The following CFAP74 variants were observed in gnomAD, a reference collection of about 807,000 sequenced individuals.
The protein encoded by CFAP74 is cilia- and flagella-associated protein 74.
CFAP74 carries 124 observed loss-of-function variants against 188.9 expected under a neutral mutation model. The ratio of observed to expected loss-of-function variants is 0.66; its 90% CI spans 0.57 to 0.76. The LOEUF (loss-of-function observed/expected upper bound fraction) is 0.76, where lower values mean the gene tolerates loss of function less well. Among genes scored for constraint, CFAP74 ranks in the 30% least tolerant of loss-of-function variants. The pLI, the probability that CFAP74 is intolerant of heterozygous loss-of-function variation, is 0.00. For synonymous variants in CFAP74, 956 were observed against 916.7 expected (o/e 1.04, Z -0.77); for missense variants, 2,198 against 2,165.2 (o/e 1.02, Z -0.30).
At chr1:1,946,762 A>G (rs1409622261) in intron 19 of CFAP74, among the ~76,000 whole-genome samples, 1 of 152,224 alleles carries the variant, frequency 6.6e-6, no homozygotes, top group African/African-American at 2.4e-5. Flanking sequence ...CCGGGAAACA[A>G]TCTGTGGCTT....
intron 6 of CFAP74, among the ~76,000 whole-genome samples, chr1:1,977,998 G>A (rs934321657): frequency 5.9e-5 from 9 of 152,136 alleles, no homozygotes; most frequent in Admixed American, 2.0e-4. Context: ...ACAGGTGCAC[G>A]CCACCACACC....
intron 27 of CFAP74, 46 bp from the exon 28 acceptor site, chr1:1,927,792 A>T: frequency 6.5e-7 from 1 of 1,529,320 alleles, no homozygotes; most frequent in African/African-American, 1.4e-5. Flanking sequence ...GGCCCTAAAC[A>T]CAGCCAGCTG....
chr1:1,990,394 G>T (rs555613295), intron 2 of CFAP74, among the ~76,000 whole-genome samples: 1 of 138,802 alleles, frequency 7.2e-6, no homozygotes, highest in African/African-American at 2.6e-5. Context: ...GTGGCGGGGG[G>T]CAGGGGGGAG....
intron 6 of CFAP74, among the ~76,000 whole-genome samples, chr1:1,981,504 A>G (rs374906055): frequency 0.034 from 2,120 of 61,494 alleles, 28 homozygotes; most frequent in Middle Eastern, 0.061. Context: ...AGGACACCCA[A>G]CCACGGACAG....
intron 1 of CFAP74, among the ~76,000 whole-genome samples, chr1:1,994,472 G>A (rs187400004): frequency 2.6e-4 from 39 of 152,262 alleles, no homozygotes; most frequent in African/African-American, 8.7e-4. Flanking sequence ...AACTTACAAA[G>A]AAACAATTGC....
intron 32 of CFAP74, 137 bp from the exon 33 acceptor site, chr1:1,926,075 C>A (rs570156735): frequency 6.8e-5 from 96 of 1,402,058 alleles, no homozygotes; most frequent in Non-Finnish European, 8.7e-5. Context: ...GCTCACTTGG[C>A]GGCTGGTGTG....
intron 1 of CFAP74, among the ~76,000 whole-genome samples, chr1:1,999,263 T>C (rs1426191697): frequency 6.6e-6 from 1 of 152,144 alleles, no homozygotes; most frequent in East Asian, 1.9e-4. Flanking sequence ...CCCCACGTAC[T>C]AGCGCTATGC....
At chr1:1,943,769 A>G (rs1185910052) in intron 21 of CFAP74, among the ~76,000 whole-genome samples, 1 of 152,178 alleles carries the variant, frequency 6.6e-6, no homozygotes, top group Non-Finnish European at 1.5e-5. Flanking sequence ...CCCACAACAC[A>G]GAGGCACATT....
At chr1:1,950,138 C>T (rs899144053) in intron 18 of CFAP74, among the ~76,000 whole-genome samples, 7 of 152,110 alleles carry the variant, frequency 4.6e-5, no homozygotes, top group East Asian at 1.9e-4. Flanking sequence ...TGCTCCTCAC[C>T]GGCACTTGCT....
At chr1:1,984,300 CT>C (rs34354073) in intron 6 of CFAP74, 24,432 of 139,824 alleles carry the variant, frequency 0.17, 1,909 homozygotes, top group Middle Eastern at 0.31. Flanking sequence ...AGCCCAAAAA[CT>C]TTTTTTTTTT....
chr1:1,963,691 C>G, intron 14 of CFAP74, 58 bp downstream of exon 14: 1 of 1,100,506 alleles, frequency 9.1e-7, no homozygotes, highest in South Asian at 1.3e-5. Flanking sequence ...ATGAAGGGAC[C>G]TATGAACCTC....
intron 19 of CFAP74, 136 bp downstream of exon 19, chr1:1,946,854 A>G: frequency 1.4e-6 from 1 of 691,444 alleles, no homozygotes; most frequent in South Asian, 1.8e-5. Context: ...CTGGTGGACA[A>G]AGTCTGGCCT....
rs758018867 is a variant in CFAP74, at chr1:1,959,115, C to G, written c.1851+5G>C. 6.2e-6 allele frequency: 10 copies of G among 1,605,596 alleles called. No homozygotes were observed. Among genetic ancestry groups the G allele is most frequent in the Non-Finnish European group, 8.5e-6 (10 of 1,172,872 alleles). ...AAATGCTGGCTCGGACACCTTTGAA[C>G]TCACCGAACATTTCTTTGTTGAACA... On this transcript the variant is annotated splice_donor_5th_base_variant and intron_variant, in intron 16 of 38. Transcript: ENST00000682832.
intron 18 of CFAP74, among the ~76,000 whole-genome samples, chr1:1,952,590 A>AAAAGAAAAAAAGAAAGAAAG (rs1654272033): frequency 6.7e-6 from 1 of 148,562 alleles, no homozygotes; most frequent in African/African-American, 2.5e-5. Context: ...GAAGCAAAGA[A>AAAAGAAAAAAAGAAAGAAAG]AAAGAAAGAA....
chr1:1,971,737 C>G (rs566854358), intron 9 of CFAP74, among the ~76,000 whole-genome samples: 1 of 152,378 alleles, frequency 6.6e-6, no homozygotes, highest in Non-Finnish European at 1.5e-5. Flanking sequence ...CCAACAAGAC[C>G]AGGCCCCATG....
intron 18 of CFAP74, among the ~76,000 whole-genome samples, chr1:1,949,134 TCCCTCCCTCCCTTCCTTC>T (rs1654044692): frequency 1.4e-4 from 3 of 21,308 alleles, no homozygotes; most frequent in Non-Finnish European, 9.8e-5. Flanking sequence ...CTTCCCTCCC[TCCCTCCCTCCCTTCCTTC>T]CCCTCCCTCC....
In CFAP74 at chr1:1,922,249, G is replaced by C; in HGVS notation, c.*38C>G. Reference sequence around the variant, plus strand: ...CCCTCAGCCTGGGGAGGGCTTTGAGGGTGGACAGGAGGGCCCGAGGGTGCT... The same window carrying C: ...CCCTCAGCCTGGGGAGGGCTTTGAGCGTGGACAGGAGGGCCCGAGGGTGCT... On this transcript the variant is annotated 3_prime_UTR_variant, in exon 39 of 39. Transcript: ENST00000682832. 1 of 1,514,374 alleles carries C rather than the reference G, an allele frequency of 6.6e-7. No homozygotes were observed. Among genetic ancestry groups the C allele is most frequent in the African/African-American group, 1.4e-5 (1 of 72,782 alleles). 93.8% of individuals were successfully genotyped at this position (1,514,374 alleles called of 1,614,324 possible).
At chr1:1,991,231 T>C (rs918288092) in intron 1 of CFAP74, among the ~76,000 whole-genome samples, 3 of 152,062 alleles carry the variant, frequency 2.0e-5, no homozygotes, top group African/African-American at 7.2e-5. Context: ...ATCCCAGCAC[T>C]TTGGGAGGCC....
Position 1,923,583 on chromosome 1 carries a change from G to C in CFAP74, c.4390-84C>G, listed in dbSNP as rs1430716503. On this transcript the variant is annotated intron_variant, in intron 35 of 38. Transcript: ENST00000682832. The surrounding 1 kb of genome is among the most constrained non-coding windows in gnomAD (Gnocchi z 6.3). ...GTGAGAGCTGGGCTGGCTCAGGGAA[G>C]GAAGCAGGGACGGCCTGGGGGCCCC... is the stretch of plus-strand genomic sequence containing the variant. The C allele has an allele frequency of 5.1e-6, 8 of 1,559,600 alleles. No individual in the cohort carries two copies. In the Admixed American group the frequency reaches 1.3e-4, roughly 26 times the overall value.
Sources: gnomAD v4.1 joint callset for allele counts (sites outside exome capture counted in the v4.1 genomes callset) on GRCh38, gnomAD v4.1.1 for gene constraint, Gnocchi (gnomAD v3.1) non-coding constraint, MANE v1.5 for transcripts, NCBI Gene and HGNC (gene_info 2026-07-23, HGNC 2026-07-21) for gene names.